CCDC149: variants seen among roughly 807,000 people sequenced by gnomAD.
CCDC149 encodes coiled-coil domain containing 149.
CCDC149 carries 45 observed loss-of-function variants against 59.9 expected under a neutral mutation model. That is an observed-to-expected ratio of 0.75 (90% CI 0.59 to 0.96). The LOEUF (loss-of-function observed/expected upper bound fraction) is 0.96, where lower values mean the gene tolerates loss of function less well. Among genes scored for constraint, CCDC149 ranks in the 40% least tolerant of loss-of-function variants. CCDC149 has a pLI of 0.00. For missense variants in CCDC149, 584 were observed against 664.7 expected (o/e 0.88, Z 1.33); for synonymous variants, 245 against 260.6 (o/e 0.94, Z 0.58).
chr4:24,920,447 G>A (rs114463064), intron 1 of CCDC149, among the ~76,000 whole-genome samples: 484 of 152,326 alleles, frequency 3.2e-3, no homozygotes, highest in African/African-American at 0.011. Flanking sequence ...TTCCCAGTAG[G>A]AGCTTCCCAA....
chr4:24,874,008 T>C (rs1241016912), intron 2 of CCDC149, among the ~76,000 whole-genome samples: 1 of 152,224 alleles, frequency 6.6e-6, no homozygotes, highest in Non-Finnish European at 1.5e-5. Context: ...TTCTTTTTGA[T>C]CACAGCCTAA....
intron 12 of CCDC149, among the ~76,000 whole-genome samples, chr4:24,811,304 C>T (rs927649860): frequency 1.7e-4 from 26 of 152,138 alleles, no homozygotes; most frequent in African/African-American, 6.3e-4. Context: ...ATATCCACTG[C>T]TTTCACTTCC....
rs1424048486 is a variant in CCDC149 at position 24,807,263 on chromosome 4, G to A, written c.*1126C>T. 1 of 152,168 alleles carries A rather than the reference G, an allele frequency of 6.6e-6. No homozygotes were observed. The highest frequency in any genetic ancestry group is 2.4e-5 in the African/African-American group (1 of 41,420). The allele number at this position is 152,168 out of a possible 1,614,324, so 9.4% of individuals were successfully genotyped here. On this transcript the variant is annotated 3_prime_UTR_variant, in exon 13 of 13. Coordinates refer to ENST00000635206, the MANE Select transcript of CCDC149 (RefSeq NM_001330643.2). ...ATTTTTATCTGAAAGGAAAGAACCA[G>A]CTAGAATTGAGCATGCCCTCCTTTC...
chr4:24,963,659 AAGCCCAGC>A (rs1395177040), intron 1 of CCDC149, among the ~76,000 whole-genome samples: 1 of 152,130 alleles, frequency 6.6e-6, no homozygotes, highest in African/African-American at 2.4e-5. Context: ...GGTGTTAGTG[AAGCCCAGC>A]AGGGAGTTGC....
At chr4:24,805,548 T>C (rs895512233), downstream of CCDC149, among the ~76,000 whole-genome samples, 1 of 152,240 alleles carries the variant, frequency 6.6e-6, no homozygotes, top group Admixed American at 6.5e-5. Flanking sequence ...GTTCAGCCTT[T>C]TAGAGTCTGA....
intron 12 of CCDC149, among the ~76,000 whole-genome samples, chr4:24,813,111 C>T (rs1027286585): frequency 6.6e-6 from 1 of 152,020 alleles, no homozygotes; most frequent in African/African-American, 2.4e-5. Context: ...TGAAATGGGT[C>T]CCTCATAATG....
At chr4:24,962,474 G>A (rs1419866704) in intron 1 of CCDC149, among the ~76,000 whole-genome samples, 1 of 152,180 alleles carries the variant, frequency 6.6e-6, no homozygotes, top group Non-Finnish European at 1.5e-5. Flanking sequence ...TATACCCAAA[G>A]GACTATACCC....
rs1212550756 is a variant in CCDC149 at position 24,912,961 on chromosome 4, CCCCGAGAGGG to C, written c.-92_-83del. On this transcript the variant is annotated 5_prime_UTR_variant, in exon 1 of 13. Coordinates refer to ENST00000635206, the MANE Select transcript of CCDC149 (RefSeq NM_001330643.2). ...CCGCCGCCGCCCGGGCCCCGCGCGG[CCCCGAGAGGG>C]CCCGGCGCCTCCGAGCCGCTGCGCC... The C allele has an allele frequency of 4.1e-6, 3 of 727,470 alleles. No homozygotes were observed. Among genetic ancestry groups the C allele is most frequent in the East Asian group, 7.5e-5 (1 of 13,364 alleles). 45.1% of individuals were successfully genotyped at this position (727,470 alleles called of 1,614,324 possible).
intron 3 of CCDC149, among the ~76,000 whole-genome samples, chr4:24,868,486 T>C (rs1293711726): frequency 6.6e-6 from 1 of 152,216 alleles, no homozygotes; most frequent in Non-Finnish European, 1.5e-5. Flanking sequence ...TTGGACTATA[T>C]GTTTCTCTCC....
intron 12 of CCDC149, among the ~76,000 whole-genome samples, chr4:24,813,525 T>TATATATATATAA (rs1252452441): frequency 4.2e-4 from 35 of 83,016 alleles, no homozygotes; most frequent in Non-Finnish European, 6.7e-4. Flanking sequence ...TATATATATA[T>TATATATATATAA]ATAAAACCTA....
chr4:24,844,939 G>T (rs148418454), intron 4 of CCDC149, among the ~76,000 whole-genome samples: 11 of 152,216 alleles, frequency 7.2e-5, no homozygotes, highest in African/African-American at 2.6e-4. Context: ...CCCTTGGCAG[G>T]TATTGTTGCT....
At chr4:24,842,103 A>AG (rs1491517835) in intron 4 of CCDC149, among the ~76,000 whole-genome samples, 1 of 152,226 alleles carries the variant, frequency 6.6e-6, no homozygotes, top group Non-Finnish European at 1.5e-5. Context: ...AAGGACCATC[A>AG]GGGGGAATTC....
At chr4:24,846,341 A>G (rs1717285874) in intron 4 of CCDC149, among the ~76,000 whole-genome samples, 1 of 152,204 alleles carries the variant, frequency 6.6e-6, no homozygotes, top group Non-Finnish European at 1.5e-5. Context: ...TAATTTCTAT[A>G]GTGCCCCAAG....
chr4:24,905,165 C>T (rs1272465333), intron 1 of CCDC149, among the ~76,000 whole-genome samples: 3 of 151,878 alleles, frequency 2.0e-5, no homozygotes. Flanking sequence ...TCCCAAAGTG[C>T]TGGGATTACA....
chr4:24,820,202 T>A (rs546603821), intron 11 of CCDC149: 5 of 472,456 alleles, frequency 1.1e-5, no homozygotes, highest in East Asian at 7.1e-5. Flanking sequence ...TAATTTAGTA[T>A]TGAATTATAG....
chr4:24,938,967 G>T lies in CCDC149; in HGVS notation c.-65+41102C>A, dbSNP rs549245136. Among the ~76,000 whole-genome samples the T allele has an allele frequency of 1.4e-4, 21 of 152,338 alleles. 1 individual carries two copies. The South Asian group carries it at 4.3e-3, about 32-fold the overall frequency. ...TGCCTCTGTAGGCTCCACCTCTGGG[G>T]GCAGGGCACAGACAAACAAAAGACA... On this transcript the variant is annotated intron_variant, in intron 1 of 12. Coordinates refer to the CCDC149 transcript ENST00000389609.
intron 2 of CCDC149, among the ~76,000 whole-genome samples, chr4:24,875,624 G>A (rs1296858320): frequency 6.6e-6 from 1 of 151,478 alleles, no homozygotes; most frequent in Non-Finnish European, 1.5e-5. Flanking sequence ...GTGTGTCACT[G>A]CATTTGGCTT....
At chr4:24,974,688 C>G (rs1467503334) in intron 1 of CCDC149, among the ~76,000 whole-genome samples, 1 of 152,222 alleles carries the variant, frequency 6.6e-6, no homozygotes. Flanking sequence ...AGTGCTCAAT[C>G]AATGTCTGCT....
intron 3 of CCDC149, among the ~76,000 whole-genome samples, chr4:24,869,921 G>T (rs1031474757): frequency 6.6e-6 from 1 of 152,212 alleles, no homozygotes; most frequent in African/African-American, 2.4e-5. Context: ...GCAGCCCCCT[G>T]GTGCGTGCTA....
Sources: gnomAD v4.1 joint callset for allele counts (sites outside exome capture counted in the v4.1 genomes callset) on GRCh38, gnomAD v4.1.1 for gene constraint, MANE v1.5 for transcripts, NCBI Gene and HGNC (gene_info 2026-07-23, HGNC 2026-07-21) for gene names.